Variants in CMIP observed in about 807,000 individuals in gnomAD.
The protein encoded by CMIP is c-Maf inducing protein.
In CMIP, 13 loss-of-function variants were observed where a neutral mutation model predicts 97.3. The ratio of observed to expected loss-of-function variants is 0.13; its 90% confidence interval spans 0.09 to 0.21. The LOEUF is 0.21. Ranked by LOEUF, CMIP falls within the 10% of genes least tolerant of loss-of-function variation. CMIP has a pLI of 1.00. For synonymous variants in CMIP, 538 were observed against 436.3 expected, an observed-to-expected ratio of 1.23 and a Z score of -2.91; for missense variants, 847 against 1,024.9, an observed-to-expected ratio of 0.83 and a Z score of 2.37.
chr16:81,670,802 C>A (rs767211519), intron 8 of CMIP, among the ~76,000 whole-genome samples: 3 of 151,930 alleles, frequency 2.0e-5, no homozygotes, highest in Non-Finnish European at 4.4e-5. Flanking sequence ...GCCGAGGTGT[C>A]ATCATTCTTG....
rs74379562 is a variant in CMIP, at chr16:81,699,652, C to A, written c.1639-33C>A. 1,858 of 1,440,092 alleles carry A rather than the reference C, an allele frequency of 1.3e-3. 29 individuals are homozygous for A. In the African/African-American group the frequency reaches 0.022, roughly 17 times the overall value. The allele number at this position is 1,440,092 out of a possible 1,614,324, so 89.2% of individuals were successfully genotyped here. Reference sequence around the variant, plus strand: ...CGCTGGAGGCTGGCACTGGGTGTCTCTGTCCCTTCACCTGGGCCTTCTTGC... The same window carrying A: ...CGCTGGAGGCTGGCACTGGGTGTCTATGTCCCTTCACCTGGGCCTTCTTGC... On this transcript the variant is annotated intron_variant, in intron 14 of 20. Transcript: ENST00000537098.
chr16:81,626,401 G>A (rs546743844), intron 3 of CMIP, among the ~76,000 whole-genome samples: 8 of 151,004 alleles, frequency 5.3e-5, no homozygotes, highest in South Asian at 4.2e-4. Flanking sequence ...TGTGTGTGGC[G>A]TGTGGGGTGA....
rs1039824910 is a variant in CMIP at position 81,697,914 on chromosome 16, C to T, written c.1638+1247C>T. The T allele has an allele frequency of 2.6e-5, 4 of 152,718 alleles. 1 individual carries two copies. Among genetic ancestry groups the T allele is most frequent in the South Asian group, 4.1e-4 (2 of 4,830 alleles). The allele number at this position is 152,718 out of a possible 1,614,324, so 9.5% of individuals were successfully genotyped here. On this transcript the variant is annotated intron_variant, in intron 14 of 20. Coordinates refer to ENST00000537098, the MANE Select transcript of CMIP (RefSeq NM_198390.3). The stretch of plus-strand genomic sequence containing the variant: ...ACATGCCTGCCCCTGCCAGCCTGCA[C>T]CACCTCTCTCGCGCTCTCGGTCACC...
rs577120490 is a variant in CMIP at position 81,652,515 on chromosome 16, G to A, written c.639+151G>A. ...GAGGTGAGCAGTTGCCCACCCAGCCGTGTGTGGGAGTTGGGAGAGGGAGGC... is the reference window on the plus strand; with the variant it reads ...GAGGTGAGCAGTTGCCCACCCAGCCATGTGTGGGAGTTGGGAGAGGGAGGC... On this transcript the variant is annotated intron_variant, in intron 4 of 20. Coordinates refer to ENST00000537098, the MANE Select transcript of CMIP (RefSeq NM_198390.3). The surrounding 1 kb of genome is among the most constrained non-coding windows in gnomAD (Gnocchi z 5.2). 1.1e-4 allele frequency among the ~76,000 whole-genome samples: 17 copies of A among 152,156 alleles called. No individual in the cohort carries two copies. The South Asian group carries it at 1.2e-3, about 11-fold the overall frequency.
chr16:81,703,864 G>A (rs1210928382), intron 17 of CMIP, 75 bp from the exon 18 acceptor site: 6 of 1,510,176 alleles, frequency 4.0e-6, no homozygotes, highest in Non-Finnish European at 5.3e-6. Context: ...AGAGGAGGAG[G>A]ATAGGGGATA....
chr16:81,487,987 A>G (rs1416001329), intron 1 of CMIP, among the ~76,000 whole-genome samples: 1 of 152,172 alleles, frequency 6.6e-6, no homozygotes, highest in East Asian at 1.9e-4. Context: ...TGCCATTGGG[A>G]TGCCCTGGCA....
chr16:81,586,080 ATC>A (rs370891231), intron 1 of CMIP, among the ~76,000 whole-genome samples: 174 of 129,150 alleles, frequency 1.3e-3, no homozygotes, highest in African/African-American at 5.0e-3. Context: ...TCATGTTGTC[ATC>A]TGTTTGTGCT....
rs1217902656 is a variant in CMIP at position 81,664,307 on chromosome 16, G to C, written c.783G>C (p.Glu261Asp). 1.9e-6 allele frequency: 3 copies of C among 1,602,928 alleles called. No homozygotes were observed. In the Admixed American group the frequency reaches 5.1e-5, roughly 27 times the overall value. ...RERPRSMVVI[E>D]VFTPVVQRIL... ...GGCCCCGGTCCATGGTGGTCATCGA[G>C]GTGTTCACCCCCGTGGTGCAGCGAA... is the stretch of plus-strand genomic sequence containing the variant. Residue 261 changes from glutamate (E) to aspartate (D), a missense_variant, in exon 7 of 21, where the codon GAG (glutamate) becomes GAC (aspartate). This residue lies in a region of CMIP where 285 missense variants were observed against 392.2 expected (regional missense o/e 0.73). Transcript: ENST00000537098.
chr16:81,671,741 G>A (rs959831790), intron 8 of CMIP, among the ~76,000 whole-genome samples: 2 of 152,188 alleles, frequency 1.3e-5, no homozygotes, highest in African/African-American at 2.4e-5. Flanking sequence ...CCCTGGATCC[G>A]GAGTCCACAG....
intron 6 of CMIP, 55 bp from the exon 7 acceptor site, chr16:81,664,214 G>T: frequency 1.3e-6 from 2 of 1,517,650 alleles, no homozygotes; most frequent in East Asian, 5.0e-5. Context: ...GCAGCCACGG[G>T]CTGTGTTCAG....
intron 1 of CMIP, among the ~76,000 whole-genome samples, chr16:81,481,871 C>T (rs892848479): frequency 6.1e-5 from 9 of 147,724 alleles, no homozygotes; most frequent in African/African-American, 2.3e-4. Context: ...CTGGCCCTCC[C>T]GCCTCCCTCT....
intron 1 of CMIP, among the ~76,000 whole-genome samples, chr16:81,532,139 T>G (rs1219339572): frequency 6.6e-6 from 1 of 152,172 alleles, no homozygotes; most frequent in Non-Finnish European, 1.5e-5. Context: ...GTGCGCAAGG[T>G]GCCCAGGTCC....
intron 1 of CMIP, among the ~76,000 whole-genome samples, chr16:81,598,625 T>G (rs1256018742): frequency 6.6e-6 from 1 of 152,182 alleles, no homozygotes; most frequent in African/African-American, 2.4e-5. Context: ...ACTTTACACA[T>G]GGTTCTAACA....
At chr16:81,664,816 G>A (rs1384236749) in intron 7 of CMIP, 1 of 279,936 alleles carries the variant, frequency 3.6e-6, no homozygotes, top group Non-Finnish European at 6.6e-6. Context: ...ACAACAACAA[G>A]CCAGTTAGAC....
intron 1 of CMIP, among the ~76,000 whole-genome samples, chr16:81,460,992 A>G (rs1168009682): frequency 6.6e-6 from 1 of 152,240 alleles, no homozygotes; most frequent in Non-Finnish European, 1.5e-5. Context: ...GAGTTGGAGT[A>G]ATCTGTGAAG....
At chr16:81,539,639 C>G (rs1232766501) in intron 1 of CMIP, among the ~76,000 whole-genome samples, 1 of 152,186 alleles carries the variant, frequency 6.6e-6, no homozygotes, top group African/African-American at 2.4e-5. Flanking sequence ...TCCTACCCTG[C>G]GTCCTGTTTC....
chr16:81,493,897 G>A (rs1031281886), intron 1 of CMIP, among the ~76,000 whole-genome samples: 1 of 152,188 alleles, frequency 6.6e-6, no homozygotes, highest in Admixed American at 6.5e-5. Flanking sequence ...CCTGTCACCC[G>A]CCGTTTCATG....
chr16:81,491,532 A>G (rs190559200), intron 1 of CMIP, among the ~76,000 whole-genome samples: 20 of 152,350 alleles, frequency 1.3e-4, no homozygotes, highest in African/African-American at 4.6e-4. Flanking sequence ...TCAGTGGAAC[A>G]TGGAAGATAA....
chr16:81,522,985 G>A (rs538131697), intron 1 of CMIP, among the ~76,000 whole-genome samples: 8 of 152,036 alleles, frequency 5.3e-5, no homozygotes, highest in African/African-American at 1.9e-4. Context: ...GGAGTGCAGT[G>A]GTTTGATCAC....
Sources: gnomAD v4.1 joint callset for allele counts (sites outside exome capture counted in the v4.1 genomes callset) on GRCh38, gnomAD v4.1.1 for gene constraint, gnomAD v4.1.1 regional missense constraint, Gnocchi (gnomAD v3.1) non-coding constraint, MANE v1.5 for transcripts, NCBI Gene and HGNC (gene_info 2026-07-23, HGNC 2026-07-21) for gene names.